EBF2: variants seen among roughly 807,000 people sequenced by gnomAD.
EBF2 encodes EBF transcription factor 2, also known as transcription factor COE2.
A neutral mutation model predicts 72.8 loss-of-function variants in EBF2; 21 were observed. The ratio of observed to expected loss-of-function variants is 0.29; its 90% CI spans 0.20 to 0.42. The LOEUF is 0.42. Ranked by LOEUF, EBF2 falls within the 10% of genes least tolerant of loss-of-function variation. The probability of loss-of-function intolerance (pLI) is 1.00; values close to 1 mark genes in which losing one functional copy is unlikely to be tolerated. For synonymous variants in EBF2, 299 were observed against 274.2 expected (o/e 1.09, Z -0.89); for missense variants, 637 against 731.2 (o/e 0.87, Z 1.49).
chr8:25,857,126 A>G (rs1802110648), intron 14 of EBF2, among the ~76,000 whole-genome samples: 1 of 152,150 alleles, frequency 6.6e-6, no homozygotes, highest in South Asian at 2.1e-4. Context: ...CTAGACTGTT[A>G]TCTAATTAAC....
intron 14 of EBF2, among the ~76,000 whole-genome samples, chr8:25,853,853 TTACATAACACA>T: frequency 6.6e-6 from 1 of 151,796 alleles, no homozygotes; most frequent in African/African-American, 2.4e-5. Context: ...AAAAAACAGA[TTACATAACACA>T]TACTAAGCCC....
At chr8:25,848,163 C>T (rs1451146721) in intron 15 of EBF2, among the ~76,000 whole-genome samples, 1 of 152,106 alleles carries the variant, frequency 6.6e-6, no homozygotes, top group Non-Finnish European at 1.5e-5. Flanking sequence ...CACGCCTGGC[C>T]CCTTCTTCTT....
chr8:25,884,126 C>T (rs1802649493), intron 10 of EBF2, among the ~76,000 whole-genome samples: 1 of 152,144 alleles, frequency 6.6e-6, no homozygotes, highest in Non-Finnish European at 1.5e-5. Flanking sequence ...CCTGACTTTC[C>T]AACCTCATCT....
At position 25,843,904 on chromosome 8, in the gene EBF2, T is replaced by A. The variant is rs1199129587; in HGVS notation, c.*705A>T. On this transcript the variant is annotated 3_prime_UTR_variant, in exon 16 of 16. Coordinates refer to ENST00000520164, the MANE Select transcript of EBF2 (RefSeq NM_022659.4). ...ATAATCACACACCTTTAAAACTTGT[T>A]ACTACATGTTTGCATCATTTTCATT... The A allele has an allele frequency of 1.3e-5, 2 of 152,182 alleles. No homozygotes were observed. The highest frequency in any genetic ancestry group is 4.8e-5 in the African/African-American group (2 of 41,436). 9.4% of individuals were successfully genotyped at this position (152,182 alleles called of 1,614,324 possible). A position where few individuals can be genotyped will look rare whatever the true frequency, so the allele number is the denominator to read the frequency against.
chr8:25,969,071 C>A (rs17054706), intron 6 of EBF2, among the ~76,000 whole-genome samples: 4,071 of 151,934 alleles, frequency 0.027, 54 homozygotes, highest in Middle Eastern at 0.095. Flanking sequence ...TCAGAAAGTC[C>A]CCTTCAAATG....
At chr8:25,947,064 G>A (rs919459714) in intron 6 of EBF2, among the ~76,000 whole-genome samples, 1 of 151,898 alleles carries the variant, frequency 6.6e-6, no homozygotes, top group Non-Finnish European at 1.5e-5. Flanking sequence ...TTTTTGTCCT[G>A]CCTCCAGGCT....
chr8:25,961,846 G>A (rs1585209205), intron 6 of EBF2, among the ~76,000 whole-genome samples: 1 of 152,058 alleles, frequency 6.6e-6, no homozygotes, highest in Non-Finnish European at 1.5e-5. Flanking sequence ...TCCCCTTCAG[G>A]TGGAAAATTC....
At chr8:25,852,305 A>G (rs1424473530) in intron 14 of EBF2, among the ~76,000 whole-genome samples, 6 of 151,624 alleles carry the variant, frequency 4.0e-5, no homozygotes, top group Non-Finnish European at 8.8e-5. Context: ...CATTAGTGAA[A>G]TAGAAAAAAT....
Position 25,850,688 on chromosome 8 carries a change from A to G in EBF2, c.1602T>C (p.Pro534=), listed in dbSNP as rs201939309. 2 of 1,565,762 alleles carry G rather than the reference A, an allele frequency of 1.3e-6. No individual in the cohort carries two copies. Among genetic ancestry groups the G allele is most frequent in the Non-Finnish European group, 1.7e-6 (2 of 1,164,220 alleles). The change falls in exon 15 of 16, where the codon CCT becomes CCC. Residue 534 remains proline (P), a synonymous_variant. Transcript: ENST00000520164. ...CAAAGGCACTCTTCTGTTTGACAGC[A>G]GGAAAAACTGAAGAGGAAAATGGGA... ...SILPFSSSVF[P]AVKQKSAFAP... is the part of the protein sequence containing the mutation.
chr8:26,011,370 C>A (rs907546961), intron 6 of EBF2, among the ~76,000 whole-genome samples: 1 of 152,066 alleles, frequency 6.6e-6, no homozygotes, highest in Non-Finnish European at 1.5e-5. Flanking sequence ...GGGGAATATG[C>A]CTCTAGTTGC....
Position 26,020,385 on chromosome 8 carries a change from C to T in EBF2, c.551+12700G>A, listed in dbSNP as rs113052478. ...AATGGACGCCACTTGAAGTGAAAAC[C>T]GCCAGCCCAGAGTTATAAATGGGAC... is the stretch of plus-strand genomic sequence containing the variant. On this transcript the variant is annotated intron_variant, in intron 6 of 15. Coordinates refer to ENST00000520164, the MANE Select transcript of EBF2 (RefSeq NM_022659.4). 4.1e-3 allele frequency among the ~76,000 whole-genome samples: 626 copies of T among 152,262 alleles called. 4 individuals are homozygous for T. Among genetic ancestry groups the T allele is most frequent in the African/African-American group, 0.014 (589 of 41,548 alleles).
At chr8:25,966,238 T>G (rs368511317) in intron 6 of EBF2, among the ~76,000 whole-genome samples, 22 of 152,228 alleles carry the variant, frequency 1.4e-4, no homozygotes, top group African/African-American at 5.1e-4. Flanking sequence ...CCTAGGCTTT[T>G]GGAGATTTTG....
intron 6 of EBF2, chr8:26,032,430 G>C (rs1196890147): frequency 2.0e-5 from 3 of 151,962 alleles, no homozygotes; most frequent in Admixed American, 2.0e-4. Flanking sequence ...TGGGAATATG[G>C]GGTTTCTTAA....
intron 6 of EBF2, among the ~76,000 whole-genome samples, chr8:25,925,918 T>G (rs948240231): frequency 2.0e-5 from 3 of 152,142 alleles, no homozygotes; most frequent in Admixed American, 1.3e-4. Flanking sequence ...ATATTTGGGT[T>G]TGGAAATTCA....
chr8:25,990,334 A>C (rs1804524588), intron 6 of EBF2, among the ~76,000 whole-genome samples: 1 of 152,204 alleles, frequency 6.6e-6, no homozygotes, highest in South Asian at 2.1e-4. Context: ...TGTTAAGTCA[A>C]AACTTTACAA....
chr8:25,858,556 C>T, intron 13 of EBF2, 52 bp from the exon 14 acceptor site: 1 of 1,571,050 alleles, frequency 6.4e-7, no homozygotes, highest in East Asian at 2.2e-5. Flanking sequence ...CACAGTCAGG[C>T]CACATGTGGC....
Position 26,042,149 on chromosome 8 carries a change from G to A in EBF2, c.234C>T (p.Gly78=). 2.5e-6 allele frequency: 4 copies of A among 1,614,146 alleles called. No individual in the cohort carries two copies. The highest frequency in any genetic ancestry group is 3.4e-6 in the Non-Finnish European group (4 of 1,180,018). The part of the protein sequence containing the change: ...HFVLALYDRQ[G]QPVEIERTAF... ...CCGTCCGCTCGATCTCCACCGGCTG[G>A]CCCTGCCTGTCATAGAGCGCCAGGA... The change falls in exon 2 of 16, where the codon GGC becomes GGT. Residue 78 remains glycine, a synonymous_variant. Coordinates refer to ENST00000520164, the MANE Select transcript of EBF2 (RefSeq NM_022659.4).
intron 6 of EBF2, among the ~76,000 whole-genome samples, chr8:25,979,558 A>G (rs1026117669): frequency 6.6e-6 from 1 of 152,242 alleles, no homozygotes; most frequent in African/African-American, 2.4e-5. Context: ...CAGGGCTGGC[A>G]TATCTCCCAA....
In EBF2 at chr8:25,844,535, A is replaced by G. The variant is rs1170450866; in HGVS notation, c.*74T>C. 2 of 1,570,288 alleles carry G rather than the reference A, an allele frequency of 1.3e-6. No homozygotes were observed. The highest frequency in any genetic ancestry group is 1.8e-6 in the Non-Finnish European group (2 of 1,140,878). Reference sequence around the variant, plus strand: ...GTGGGGGCACCACTACACCCCCAAAAGAGCTCCTAGTGCTTTCTTCATTAT... The same window carrying G: ...GTGGGGGCACCACTACACCCCCAAAGGAGCTCCTAGTGCTTTCTTCATTAT... On this transcript the variant is annotated 3_prime_UTR_variant, in exon 16 of 16. Transcript: ENST00000520164.
Sources: allele counts gnomAD v4.1 joint callset (sites outside exome capture counted in the v4.1 genomes callset), GRCh38; gene constraint gnomAD v4.1.1; transcripts MANE v1.5; gene names NCBI Gene and HGNC (gene_info 2026-07-23, HGNC 2026-07-21).